The following GPC3 variants were observed in gnomAD, a reference collection of about 807,000 sequenced individuals.
The protein encoded by GPC3 is glypican-3.
In GPC3, 3 loss-of-function variants were observed where a neutral mutation model predicts 34.4. The ratio of observed to expected loss-of-function variants is 0.09; its 90% CI spans 0.04 to 0.23. The LOEUF is 0.23. Ranked by LOEUF, GPC3 falls within the 10% of genes least tolerant of loss-of-function variation. GPC3 has a pLI of 1.00. For missense variants in GPC3, 351 were observed against 445.6 expected, an observed-to-expected ratio of 0.79 and a Z score of 1.91; for synonymous variants, 177 against 174.0, an observed-to-expected ratio of 1.02 and a Z score of -0.13.
intron 2 of GPC3, among the ~76,000 whole-genome samples, chrX:133,883,827 G>A (rs1490731904): frequency 8.9e-6 from 1 of 111,784 alleles, no homozygotes; most frequent in African/African-American, 3.2e-5. Context: ...CACTGCAACC[G>A]TAATATACTA....
intron 3 of GPC3, chrX:133,704,202 T>A (rs1402660404): frequency 1.9e-6 from 2 of 1,054,829 alleles, no homozygotes; most frequent in Non-Finnish European, 2.5e-6. Flanking sequence ...AGCTTCACTC[T>A]ACCTGTAAGT....
At chrX:133,976,988 G>C (rs185893516) in intron 1 of GPC3, among the ~76,000 whole-genome samples, 280 of 110,118 alleles carry the variant, frequency 2.5e-3, no homozygotes, top group Non-Finnish European at 4.0e-3. Flanking sequence ...AGGCTCCCAG[G>C]GCCAATGAGA....
At chrX:133,943,327 C>T (rs2076352599) in intron 2 of GPC3, among the ~76,000 whole-genome samples, 4 of 112,380 alleles carry the variant, frequency 3.6e-5, no homozygotes, top group Admixed American at 1.9e-4. Context: ...TCTATTCTGA[C>T]ATTGTGCCTT....
At chrX:133,737,903 A>G (rs922501043) in intron 3 of GPC3, among the ~76,000 whole-genome samples, 3 of 111,808 alleles carry the variant, frequency 2.7e-5, no homozygotes, top group Non-Finnish European at 5.6e-5. Context: ...CAATGATAAC[A>G]TTAAGTAAAT....
intron 2 of GPC3, among the ~76,000 whole-genome samples, chrX:133,905,326 G>T (rs1311997190): frequency 1.8e-5 from 2 of 112,333 alleles, no homozygotes; most frequent in Non-Finnish European, 3.8e-5. Context: ...TCTATATGGA[G>T]ATCAAAGACC....
At chrX:133,950,798 G>A (rs2076389277) in intron 2 of GPC3, among the ~76,000 whole-genome samples, 1 of 111,454 alleles carries the variant, frequency 9.0e-6, no homozygotes, top group South Asian at 3.8e-4. Flanking sequence ...GGATTTAGGG[G>A]CAATGTCTTC....
chrX:133,712,503 G>A (rs1485809270), intron 3 of GPC3, among the ~76,000 whole-genome samples: 1 of 111,376 alleles, frequency 9.0e-6, no homozygotes, highest in Non-Finnish European at 1.9e-5. Context: ...AAATAGAAAC[G>A]AAAAACGCAC....
intron 6 of GPC3, among the ~76,000 whole-genome samples, chrX:133,629,823 G>C (rs1198231892): frequency 9.1e-6 from 1 of 110,350 alleles, no homozygotes; most frequent in Non-Finnish European, 1.9e-5. Flanking sequence ...GGGAGGCCAA[G>C]GCGGGCAGAT....
chrX:133,576,850 GA>G (rs1930216930), intron 7 of GPC3, among the ~76,000 whole-genome samples: 1 of 109,560 alleles, frequency 9.1e-6, no homozygotes, highest in African/African-American at 3.3e-5. Context: ...CTTCAGGACA[GA>G]AGAATTGAAG....
chrX:133,539,753 C>T (rs2069326213), intron 7 of GPC3, among the ~76,000 whole-genome samples: 1 of 112,401 alleles, frequency 8.9e-6, no homozygotes, highest in African/African-American at 3.2e-5. Context: ...TAGCCAGGCA[C>T]CTGTGGCTTA....
intron 2 of GPC3, among the ~76,000 whole-genome samples, chrX:133,831,012 G>T (rs979756378): frequency 1.8e-5 from 2 of 111,189 alleles, no homozygotes; most frequent in African/African-American, 6.5e-5. Context: ...AATCTCAAAA[G>T]ATTACTGTAT....
At chrX:133,655,506 CCACA>C (rs763587305) in intron 6 of GPC3, among the ~76,000 whole-genome samples, 30 of 94,719 alleles carry the variant, frequency 3.2e-4, no homozygotes, top group South Asian at 1.8e-3. Flanking sequence ...ACACACACAC[CCACA>C]CACACACACA....
At chrX:133,747,091 T>A (rs1402125658) in intron 3 of GPC3, among the ~76,000 whole-genome samples, 1 of 112,163 alleles carries the variant, frequency 8.9e-6, no homozygotes, top group Non-Finnish European at 1.9e-5. Context: ...TGGATGTATT[T>A]GGATACGTTA....
chrX:133,549,846 T>C (rs766933164), intron 7 of GPC3, among the ~76,000 whole-genome samples: 3 of 95,270 alleles, frequency 3.1e-5, no homozygotes, highest in Middle Eastern at 5.1e-3. Context: ...TGTCCTTCTT[T>C]TTCTCCTTCC....
chrX:133,607,043 C>T (rs1330511125), intron 6 of GPC3, among the ~76,000 whole-genome samples: 15 of 111,298 alleles, frequency 1.3e-4, no homozygotes, highest in Non-Finnish European at 2.6e-4. Flanking sequence ...TGAGTCACAA[C>T]TATTAGCATT....
intron 3 of GPC3, among the ~76,000 whole-genome samples, chrX:133,734,907 A>G (rs1313956604): frequency 8.9e-6 from 1 of 112,325 alleles, no homozygotes. Flanking sequence ...AATATTTAGG[A>G]ATAAATTTAG....
intron 4 of GPC3, among the ~76,000 whole-genome samples, 180 bp downstream of exon 4, chrX:133,699,715 T>G (rs1433588920): frequency 8.9e-6 from 1 of 112,411 alleles, no homozygotes; most frequent in Non-Finnish European, 1.9e-5. Flanking sequence ...CATTTAAATA[T>G]GCCTTGGATA....
chrX:133,871,290 G>T (rs922942821), intron 2 of GPC3, among the ~76,000 whole-genome samples: 4 of 111,726 alleles, frequency 3.6e-5, no homozygotes, highest in Non-Finnish European at 5.6e-5. Flanking sequence ...AGCTCTGAAA[G>T]TAAAAAATAT....
At chrX:133,797,909 T>TTTCAATA (rs2075590232) in intron 2 of GPC3, among the ~76,000 whole-genome samples, 1 of 111,558 alleles carries the variant, frequency 9.0e-6, no homozygotes, top group South Asian at 3.8e-4. Flanking sequence ...TTCAGCCTTC[T>TTTCAATA]TTCAATACCC....
Sources: allele counts gnomAD v4.1 joint callset (sites outside exome capture counted in the v4.1 genomes callset), GRCh38; gene constraint gnomAD v4.1.1; transcripts MANE v1.5; gene names NCBI Gene and HGNC (gene_info 2026-07-23, HGNC 2026-07-21).